Variants in KDM4C observed in about 807,000 individuals in gnomAD.
The protein encoded by KDM4C is lysine demethylase 4C, also known as lysine-specific demethylase 4C.
A neutral mutation model predicts 129.3 loss-of-function variants in KDM4C; 81 were observed. That is an observed-to-expected ratio of 0.63 (90% CI 0.52 to 0.75). The LOEUF is 0.75. KDM4C is among the 30% of genes least tolerant of loss of function. The probability of loss-of-function intolerance (pLI) is 0.00; values close to 1 mark genes in which losing one functional copy is unlikely to be tolerated. For synonymous variants in KDM4C, 573 were observed against 456.1 expected (o/e 1.26, Z -3.26); for missense variants, 1,457 against 1,304.0 (o/e 1.12, Z -1.81).
intron 1 of KDM4C, among the ~76,000 whole-genome samples, chr9:6,785,068 G>T (rs904649545): frequency 6.6e-6 from 1 of 152,118 alleles, no homozygotes; most frequent in Admixed American, 6.6e-5. Flanking sequence ...GTTACCTAGG[G>T]CTAATGTAAC....
chr9:7,163,127 G>C (rs1843985649), intron 19 of KDM4C, among the ~76,000 whole-genome samples: 2 of 152,128 alleles, frequency 1.3e-5, no homozygotes, highest in Admixed American at 6.5e-5. Flanking sequence ...TGGCTCCAGA[G>C]AGAAAGGGAA....
chr9:7,019,994 G>C (rs1363505931), intron 15 of KDM4C, among the ~76,000 whole-genome samples: 1 of 151,672 alleles, frequency 6.6e-6, no homozygotes, highest in East Asian at 1.9e-4. Flanking sequence ...ACTCAAATTA[G>C]GAAGATAGAG....
chr9:7,036,386 A>G (rs559589078), intron 15 of KDM4C, among the ~76,000 whole-genome samples: 37 of 152,186 alleles, frequency 2.4e-4, no homozygotes, highest in Non-Finnish European at 4.4e-4. Flanking sequence ...TGGAAATACT[A>G]TTATGTAAAT....
At chr9:7,014,295 C>T in intron 14 of KDM4C, 1 of 275,610 alleles carries the variant, frequency 3.6e-6, no homozygotes, top group South Asian at 1.0e-4. Context: ...TTGGATTTTA[C>T]TTACTTTAAG....
intron 4 of KDM4C, among the ~76,000 whole-genome samples, chr9:6,834,149 G>A (rs977526040): frequency 1.3e-5 from 2 of 149,080 alleles, no homozygotes; most frequent in Admixed American, 1.4e-4. Flanking sequence ...AGCGGTTCTG[G>A]TGCCCCAGTC....
At chr9:6,939,604 G>T (rs948274116) in intron 8 of KDM4C, among the ~76,000 whole-genome samples, 1 of 152,178 alleles carries the variant, frequency 6.6e-6, no homozygotes, top group Admixed American at 6.5e-5. Context: ...GGGTGTTGAT[G>T]TTAAAGGTAC....
chr9:7,103,019 C>T (rs1325898596), intron 17 of KDM4C, among the ~76,000 whole-genome samples: 1 of 152,168 alleles, frequency 6.6e-6, no homozygotes, highest in Non-Finnish European at 1.5e-5. Context: ...TTTTCATCTT[C>T]TCTTCCCCAG....
intron 18 of KDM4C, among the ~76,000 whole-genome samples, chr9:7,120,544 C>T (rs560868930): frequency 4.6e-5 from 7 of 152,182 alleles, no homozygotes; most frequent in African/African-American, 1.7e-4. Flanking sequence ...CCAAAAAGAC[C>T]TGATTAGTTT....
At chr9:6,825,641 GTC>G (rs1406351818) in intron 4 of KDM4C, among the ~76,000 whole-genome samples, 1 of 152,176 alleles carries the variant, frequency 6.6e-6, no homozygotes, top group Non-Finnish European at 1.5e-5. Context: ...GTGAACTCAT[GTC>G]TCTGCATCTC....
At chr9:7,170,874 C>A in intron 21 of KDM4C, 1 of 456,718 alleles carries the variant, frequency 2.2e-6, no homozygotes, top group Non-Finnish European at 2.8e-6. Flanking sequence ...GAAGAATTGT[C>A]TTTGGCCTCA....
intron 17 of KDM4C, among the ~76,000 whole-genome samples, chr9:7,055,711 C>T (rs769730143): frequency 7.9e-5 from 12 of 152,236 alleles, no homozygotes; most frequent in South Asian, 2.1e-4. Context: ...TAGACGAAGG[C>T]GCATGTTCTC....
chr9:6,946,419 A>G (rs116035271), intron 8 of KDM4C, among the ~76,000 whole-genome samples: 3,204 of 152,268 alleles, frequency 0.021, 121 homozygotes, highest in African/African-American at 0.072. Flanking sequence ...TGAAGAGAAT[A>G]TGGCAAGGTG....
At chr9:6,850,865 C>T (rs2130150403) in intron 5 of KDM4C, among the ~76,000 whole-genome samples, 1 of 152,320 alleles carries the variant, frequency 6.6e-6, no homozygotes, top group South Asian at 2.1e-4. Context: ...AGCGATTCTC[C>T]TGCCTCAGCC....
chr9:6,944,430 A>C (rs1057383850), intron 8 of KDM4C, among the ~76,000 whole-genome samples: 1 of 152,166 alleles, frequency 6.6e-6, no homozygotes, highest in African/African-American at 2.4e-5. Flanking sequence ...GAGCTGCAGC[A>C]TGTCTTTTGG....
Position 6,849,628 on chromosome 9 carries a change from C to G in KDM4C, c.557C>G (p.Thr186Arg). Residue 186 changes from threonine (T) to arginine (R), a missense_variant, in exon 5 of 22, where the codon ACG becomes AGG. Physicochemically the swap from Thr to Arg is moderately conservative, Grantham distance 71. Transcript: ENST00000381309. ...PYLYFGMWKT[T>R]FAWHTEDMDL... ...CTCTATTTTGGCATGTGGAAGACCACGTTTGCATGGCACACCGAAGACATG... is the reference window on the plus strand; with the variant it reads ...CTCTATTTTGGCATGTGGAAGACCAGGTTTGCATGGCACACCGAAGACATG... The G allele has an allele frequency of 6.2e-7, 1 of 1,613,840 alleles. No homozygotes were observed.
chr9:6,978,006 A>G (rs943835547), intron 8 of KDM4C, among the ~76,000 whole-genome samples: 2 of 152,202 alleles, frequency 1.3e-5, no homozygotes, highest in African/African-American at 4.8e-5. Flanking sequence ...CAGGTTACCA[A>G]AAAGCAATTT....
chr9:7,079,387 G>A (rs935722509), intron 17 of KDM4C, among the ~76,000 whole-genome samples: 1 of 152,102 alleles, frequency 6.6e-6, no homozygotes. Flanking sequence ...GTAGTAGTAC[G>A]ATCTTGGCTC....
chr9:6,973,917 A>T (rs1477715100), intron 8 of KDM4C: 1 of 152,262 alleles, frequency 6.6e-6, no homozygotes, highest in Non-Finnish European at 1.5e-5. Flanking sequence ...CTCAGATGGT[A>T]CTTACTGTGG....
chr9:6,792,889 G>T (rs1034504275), intron 1 of KDM4C, 83 bp from the exon 2 acceptor site: 3 of 1,346,196 alleles, frequency 2.2e-6, no homozygotes, highest in African/African-American at 1.4e-5. Flanking sequence ...GGTTCCTGCT[G>T]GGGGAGCTGA....
Sources: allele counts gnomAD v4.1 joint callset (sites outside exome capture counted in the v4.1 genomes callset), GRCh38; gene constraint gnomAD v4.1.1; transcripts MANE v1.5; gene names NCBI Gene and HGNC (gene_info 2026-07-23, HGNC 2026-07-21).